Variants in SLC9C1 observed in about 807,000 individuals in gnomAD.
SLC9C1 encodes the protein sodium/hydrogen exchanger 10.
In SLC9C1, 97 loss-of-function variants were observed where a neutral mutation model predicts 140.9. The ratio of observed to expected loss-of-function variants is 0.69; its 90% CI spans 0.58 to 0.82. The LOEUF is 0.82. SLC9C1 is among the 40% of genes least tolerant of loss of function. The probability of loss-of-function intolerance (pLI) is 0.00; values close to 1 mark genes in which losing one functional copy is unlikely to be tolerated. For synonymous variants in SLC9C1, 440 were observed against 442.6 expected (o/e 0.99, Z 0.07); for missense variants, 1,340 against 1,389.3 (o/e 0.96, Z 0.56).
intron 12 of SLC9C1, among the ~76,000 whole-genome samples, chr3:112,235,729 T>C (rs2078966101): frequency 6.6e-6 from 1 of 152,222 alleles, no homozygotes; most frequent in African/African-American, 2.4e-5. Flanking sequence ...GAGGTAATCA[T>C]GTGGTTTTTG....
Position 112,158,933 on chromosome 3 carries a change from G to A in SLC9C1, c.3365-3884C>T, listed in dbSNP as rs545454177. On this transcript the variant is annotated intron_variant, in intron 26 of 28. Coordinates refer to ENST00000305815, the MANE Select transcript of SLC9C1 (RefSeq NM_183061.3). ...TTTTTCTTAGTCTAGATAAGGTTTT[G>A]TTAATTATCTTTTTTAAAAAAAAAT... Among the ~76,000 whole-genome samples the A allele has an allele frequency of 8.7e-4, 132 of 151,414 alleles. 1 individual carries two copies. The highest frequency in any genetic ancestry group is 2.9e-3 in the African/African-American group (122 of 41,374).
intron 8 of SLC9C1, 144 bp downstream of exon 8, chr3:112,266,094 A>G: frequency 3.3e-6 from 2 of 607,386 alleles, no homozygotes; most frequent in Non-Finnish European, 5.6e-6. Context: ...GCAAGAAAAA[A>G]TAAAATCTAG....
intron 26 of SLC9C1, among the ~76,000 whole-genome samples, chr3:112,165,640 C>G (rs1257422860): frequency 6.6e-6 from 1 of 152,172 alleles, no homozygotes; most frequent in African/African-American, 2.4e-5. Flanking sequence ...AGTTTTGTCT[C>G]AGAGGAGTAC....
intron 12 of SLC9C1, among the ~76,000 whole-genome samples, chr3:112,238,506 G>A (rs2079053591): frequency 6.6e-6 from 1 of 152,322 alleles, no homozygotes; most frequent in Admixed American, 6.5e-5. Flanking sequence ...GTGAGGAGCT[G>A]CGTTCCTTTG....
At chr3:112,269,685 T>C (rs1399441811) in intron 7 of SLC9C1, among the ~76,000 whole-genome samples, 1 of 152,132 alleles carries the variant, frequency 6.6e-6, no homozygotes, top group East Asian at 1.9e-4. Context: ...GTAATGATAG[T>C]TTTGTCAAAT....
chr3:112,260,193 A>G (rs1227210917), intron 10 of SLC9C1, among the ~76,000 whole-genome samples: 1 of 152,102 alleles, frequency 6.6e-6, no homozygotes, highest in Non-Finnish European at 1.5e-5. Flanking sequence ...GAACATATCA[A>G]CTTAGAACTT....
chr3:112,262,930 T>C lies in SLC9C1; in HGVS notation c.1191A>G (p.Lys397=), dbSNP rs2079816286. 1 of 1,570,100 alleles carries C rather than the reference T, an allele frequency of 6.4e-7. No individual in the cohort carries two copies. The highest frequency in any genetic ancestry group is 1.4e-5 in the African/African-American group (1 of 72,458). ...AAAATACAGCTTTCTTTACTTGAGATTTTTCTTTGTCAGATCCAAAATAAA... is the reference window on the plus strand; with the variant it reads ...AAAATACAGCTTTCTTTACTTGAGACTTTTCTTTGTCAGATCCAAAATAAA... ...SDLYFGSDKE[K]SQILFHGVLV... Residue 397 remains lysine, a synonymous_variant, in exon 10 of 29, where the codon AAA becomes AAG. Transcript: ENST00000305815.
Position 112,141,281 on chromosome 3 carries a change from C to T in SLC9C1, c.3525G>A (p.Arg1175=). 1 of 1,582,018 alleles carries T rather than the reference C, an allele frequency of 6.3e-7. No homozygotes were observed. The highest frequency in any genetic ancestry group is 8.6e-7 in the Non-Finnish European group (1 of 1,165,944). The part of the protein sequence containing the change: ...ESPRINLRKV[R]KE ...GGTCTTCTTAACAGTCTTACTCTTTCCTAATAGAAGCGGAAAGAAAAAACA... is the reference window on the plus strand; with the variant it reads ...GGTCTTCTTAACAGTCTTACTCTTTTCTAATAGAAGCGGAAAGAAAAAACA... The change falls in exon 29 of 29, where the codon AGG becomes AGA. Residue 1175 remains arginine, a splice_region_variant and synonymous_variant. Transcript: ENST00000305815.
At chr3:112,259,001 G>A (rs2079691977) in intron 10 of SLC9C1, among the ~76,000 whole-genome samples, 4 of 152,014 alleles carry the variant, frequency 2.6e-5, no homozygotes. Flanking sequence ...CAGTAAGGGG[G>A]AAATCCACCC....
At chr3:112,265,964 TA>T (rs1219794943) in intron 8 of SLC9C1, among the ~76,000 whole-genome samples, 3 of 152,140 alleles carry the variant, frequency 2.0e-5, no homozygotes, top group Admixed American at 1.3e-4. Context: ...TACAAGATTT[TA>T]TATGGGAAAT....
chr3:112,186,694 T>C (rs2077547412), intron 20 of SLC9C1, among the ~76,000 whole-genome samples: 2 of 152,176 alleles, frequency 1.3e-5, no homozygotes, highest in Non-Finnish European at 2.9e-5. Flanking sequence ...CACACAATCA[T>C]GTATGAAAAC....
At chr3:112,166,384 A>G (rs1013293676) in intron 26 of SLC9C1, among the ~76,000 whole-genome samples, 3 of 152,162 alleles carry the variant, frequency 2.0e-5, no homozygotes, top group Admixed American at 6.5e-5. Flanking sequence ...TGTAGATTGG[A>G]GTCTAGCATT....
chr3:112,175,372 G>A (rs1360362106), intron 23 of SLC9C1, among the ~76,000 whole-genome samples: 1 of 152,126 alleles, frequency 6.6e-6, no homozygotes, highest in Non-Finnish European at 1.5e-5. Flanking sequence ...GAACACACCT[G>A]TAGGAGGTAG....
chr3:112,256,702 G>A (rs545631591), intron 10 of SLC9C1, among the ~76,000 whole-genome samples: 1 of 152,170 alleles, frequency 6.6e-6, no homozygotes, highest in Non-Finnish European at 1.5e-5. Context: ...TTATAGTACC[G>A]GAAGTCCTGG....
chr3:112,266,282 A>C lies in SLC9C1; in HGVS notation c.834T>G (p.Asn278Lys), dbSNP rs1473424883. ...FTLAIVGLLL[N>K]STSFKAAIEE... ...CAATTGCTGCTTTAAAACTTGTAGA[A>C]TTTAAAAGAAGTCCCACAATGGCCA... is the stretch of plus-strand genomic sequence containing the variant. Residue 278 changes from asparagine to lysine, a missense_variant, in exon 8 of 29, where the codon AAT becomes AAG. By Grantham distance (94) the Asn-to-Lys change is moderately conservative. Coordinates refer to ENST00000305815, the MANE Select transcript of SLC9C1 (RefSeq NM_183061.3). 4 of 1,611,188 alleles carry C rather than the reference A, an allele frequency of 2.5e-6. No individual in the cohort carries two copies. Among genetic ancestry groups the C allele is most frequent in the Non-Finnish European group, 3.4e-6 (4 of 1,178,968 alleles).
chr3:112,198,947 C>T (rs2077834201), intron 20 of SLC9C1, among the ~76,000 whole-genome samples: 1 of 151,690 alleles, frequency 6.6e-6, no homozygotes, highest in South Asian at 2.1e-4. Flanking sequence ...ATAGTCAACA[C>T]TAACCCTACA....
At chr3:112,228,279 A>G (rs1039053230) in intron 13 of SLC9C1, among the ~76,000 whole-genome samples, 3 of 152,130 alleles carry the variant, frequency 2.0e-5, no homozygotes, top group Non-Finnish European at 4.4e-5. Context: ...CGACAAAGCC[A>G]TGAGGAACGT....
intron 26 of SLC9C1, among the ~76,000 whole-genome samples, chr3:112,160,247 T>A (rs2075253513): frequency 1.3e-5 from 2 of 151,086 alleles, no homozygotes; most frequent in South Asian, 4.2e-4. Context: ...TTTTTATTTT[T>A]ATTTATTTAT....
At chr3:112,289,856 C>T (rs2108374461) in intron 1 of SLC9C1, among the ~76,000 whole-genome samples, 1 of 152,276 alleles carries the variant, frequency 6.6e-6, no homozygotes, top group South Asian at 2.1e-4. Context: ...TCAGCTATGT[C>T]TCTTAACAGA....
Sources: gnomAD v4.1 joint callset for allele counts (sites outside exome capture counted in the v4.1 genomes callset) on GRCh38, gnomAD v4.1.1 for gene constraint, MANE v1.5 for transcripts, NCBI Gene and HGNC (gene_info 2026-07-23, HGNC 2026-07-21) for gene names.